The following DMD variants were observed in gnomAD, a reference collection of about 807,000 sequenced individuals.
The protein encoded by DMD is mutant dystrophin.
In DMD, 63 loss-of-function variants were observed where a neutral mutation model predicts 330.1. The ratio of observed to expected loss-of-function variants is 0.19; its 90% CI spans 0.16 to 0.24. The LOEUF is 0.24. Among genes scored for constraint, DMD ranks in the 10% least tolerant of loss-of-function variants. The pLI is 1.00. For missense variants in DMD, 3,344 were observed against 2,684.1 expected (o/e 1.25, Z -5.43); for synonymous variants, 1,223 against 959.8 (o/e 1.27, Z -5.07).
At position 31,680,537 on chromosome X, in the gene DMD, AT is replaced by A. The variant is rs201255892; in HGVS notation, c.7661-952del. ...AGGCACGTGCCATCATGCCCAGCTA[AT>A]TTTTTTTTTTTGTATTTTTAATAGA... On this transcript the variant is annotated intron_variant, in intron 52 of 78. Coordinates refer to ENST00000357033, the MANE Select transcript of DMD (RefSeq NM_004006.3). Among the ~76,000 whole-genome samples, 206 of 102,402 alleles carry A rather than the reference AT, an allele frequency of 2.0e-3. No homozygotes were observed. In the East Asian group the frequency reaches 0.036, roughly 18 times the overall value. The allele number at this position is 102,402 out of a possible 115,157, so 88.9% of individuals were successfully genotyped here.
chrX:32,497,375 C>A (rs1030566826), intron 19 of DMD, among the ~76,000 whole-genome samples: 1 of 111,765 alleles, frequency 8.9e-6, no homozygotes, highest in African/African-American at 3.2e-5. Context: ...ATAATTACTA[C>A]TTTTATTTAA....
intron 1 of DMD, among the ~76,000 whole-genome samples, chrX:33,299,102 T>C (rs936151573): frequency 1.8e-5 from 2 of 112,294 alleles, no homozygotes; most frequent in African/African-American, 6.5e-5. Context: ...ATTTTCTCTA[T>C]TTATTTTAAA....
chrX:31,988,346 C>T (rs1415381873), intron 44 of DMD, among the ~76,000 whole-genome samples: 4 of 106,118 alleles, frequency 3.8e-5, no homozygotes, highest in African/African-American at 6.9e-5. Flanking sequence ...TGGTGGCGGC[C>T]GCCTGTAGTC....
intron 7 of DMD, among the ~76,000 whole-genome samples, chrX:32,794,574 G>C (rs755932188): frequency 9.0e-6 from 1 of 111,240 alleles, no homozygotes; most frequent in Non-Finnish European, 1.9e-5. Flanking sequence ...GGGCAACAGA[G>C]CAAGACTCCA....
At chrX:32,501,981 C>G in intron 18 of DMD, 139 bp from the exon 19 acceptor site, 4 of 490,533 alleles carry the variant, frequency 8.2e-6, no homozygotes, top group African/African-American at 2.3e-5. Flanking sequence ...GACTTTTTCT[C>G]AACACTTTTG....
chrX:32,075,648 T>G (rs1167064544), intron 44 of DMD, among the ~76,000 whole-genome samples: 1 of 111,217 alleles, frequency 9.0e-6, no homozygotes, highest in Non-Finnish European at 1.9e-5. Flanking sequence ...CCTGGTAAAG[T>G]TTTCATGGAA....
At chrX:32,523,838 C>G (rs2046669853) in intron 17 of DMD, among the ~76,000 whole-genome samples, 1 of 111,149 alleles carries the variant, frequency 9.0e-6, no homozygotes, top group Admixed American at 9.6e-5. Flanking sequence ...GTTGATGTAA[C>G]TGTTATACCA....
intron 1 of DMD, among the ~76,000 whole-genome samples, chrX:33,153,552 C>A (rs750191862): frequency 8.9e-6 from 1 of 112,428 alleles, no homozygotes; most frequent in African/African-American, 3.2e-5. Flanking sequence ...AAATTTAAAA[C>A]GTATGAAAAC....
chrX:32,691,085 G>T (rs1401169871), intron 9 of DMD, among the ~76,000 whole-genome samples: 1 of 110,835 alleles, frequency 9.0e-6, no homozygotes, highest in Admixed American at 9.7e-5. Context: ...TATATTATGA[G>T]AATTATTTCT....
intron 7 of DMD, among the ~76,000 whole-genome samples, chrX:32,734,006 T>C (rs1385279731): frequency 2.3e-4 from 24 of 106,108 alleles, no homozygotes; most frequent in Middle Eastern, 4.8e-3. Context: ...ACAAAATAGA[T>C]AGACTGCTAG....
chrX:33,135,337 C>T (rs1358852207), intron 1 of DMD, among the ~76,000 whole-genome samples: 6 of 112,092 alleles, frequency 5.4e-5, no homozygotes, highest in Non-Finnish European at 1.1e-4. Context: ...ACCCCACTAA[C>T]GTCCAACACG....
At chrX:33,047,803 T>A (rs2094403708) in intron 1 of DMD, among the ~76,000 whole-genome samples, 1 of 111,966 alleles carries the variant, frequency 8.9e-6, no homozygotes, top group Non-Finnish European at 1.9e-5. Context: ...TCCTGCACTC[T>A]TAGTATCCCC....
intron 1 of DMD, among the ~76,000 whole-genome samples, chrX:33,163,570 A>ATATATATATATATATATATATATATATG (rs1569557014): frequency 1.9e-5 from 2 of 104,280 alleles, no homozygotes; most frequent in African/African-American, 7.1e-5. Context: ...ATATATATAT[A>ATATATATATATATATATATATATATATG]TATATGTATA....
At chrX:32,554,941 G>GAAAGAAAGAAAGAA (rs796623069) in intron 16 of DMD, among the ~76,000 whole-genome samples, 2 of 29,878 alleles carry the variant, frequency 6.7e-5, no homozygotes, top group Non-Finnish European at 9.9e-5. Flanking sequence ...AAGAAAGAAA[G>GAAAGAAAGAAAGAA]AGAGAGAGAG....
chrX:32,653,255 T>C (rs756455843), intron 9 of DMD, among the ~76,000 whole-genome samples: 43 of 112,097 alleles, frequency 3.8e-4, no homozygotes, highest in African/African-American at 6.8e-4. Flanking sequence ...CTGAAAGGTA[T>C]TGCCTAGGTT....
chrX:33,161,801 C>T (rs1015454173), intron 1 of DMD, among the ~76,000 whole-genome samples: 1 of 111,679 alleles, frequency 9.0e-6, no homozygotes, highest in African/African-American at 3.3e-5. Context: ...TAGTCAACAA[C>T]ATTTAATTTA....
rs761998916 is a variant in DMD at position 31,816,569 on chromosome X, C to T, written c.7309+3406G>A. Among the ~76,000 whole-genome samples, 7 of 110,041 alleles carry T rather than the reference C, an allele frequency of 6.4e-5. No homozygotes were observed. The East Asian group carries it at 2.0e-3, about 32-fold the overall frequency. ...ATCCCAGCACTTTGAGAGGCTGAGGCAGGCGGATCACTTGAGGTCAGGAGT... is the reference window on the plus strand; with the variant it reads ...ATCCCAGCACTTTGAGAGGCTGAGGTAGGCGGATCACTTGAGGTCAGGAGT... On this transcript the variant is annotated intron_variant, in intron 50 of 78. Coordinates refer to ENST00000357033, the MANE Select transcript of DMD (RefSeq NM_004006.3).
intron 60 of DMD, among the ~76,000 whole-genome samples, chrX:31,351,155 T>TACACACACACACACAC (rs1291594371): frequency 2.4e-5 from 2 of 82,568 alleles, no homozygotes; most frequent in African/African-American, 9.9e-5. Context: ...TAGACATACA[T>TACACACACACACACAC]ATATACACAC....
chrX:32,986,916 C>A (rs1040683629), intron 2 of DMD, among the ~76,000 whole-genome samples: 30 of 112,385 alleles, frequency 2.7e-4, no homozygotes, highest in African/African-American at 9.7e-4. Flanking sequence ...TTTATTACAA[C>A]CTTTCCCTTT....
Sources: allele counts gnomAD v4.1 joint callset (sites outside exome capture counted in the v4.1 genomes callset), GRCh38; gene constraint gnomAD v4.1.1; transcripts MANE v1.5; gene names NCBI Gene and HGNC (gene_info 2026-07-23, HGNC 2026-07-21).